TJAP1: variants seen among roughly 807,000 people sequenced by gnomAD.
The protein encoded by TJAP1 is tight junction-associated protein 1.
A neutral mutation model predicts 42.0 loss-of-function variants in TJAP1; 27 were observed. That is an observed-to-expected ratio of 0.64 (90% CI 0.47 to 0.89). The LOEUF is 0.89. Ranked by LOEUF, TJAP1 falls within the 40% of genes least tolerant of loss-of-function variation. The pLI is 0.00. For synonymous variants in TJAP1, 257 were observed against 288.4 expected, an observed-to-expected ratio of 0.89 and a Z score of 1.10; for missense variants, 712 against 726.9, an observed-to-expected ratio of 0.98 and a Z score of 0.24.
rs535416838 is a variant in TJAP1 at position 43,485,906 on chromosome 6, C to T, written c.-122+7674C>T. 3.3e-4 allele frequency among the ~76,000 whole-genome samples: 50 copies of T among 152,038 alleles called. No individual in the cohort carries two copies. The South Asian group carries it at 9.3e-3, about 28-fold the overall frequency. On this transcript the variant is annotated intron_variant, in intron 2 of 10. Coordinates refer to ENST00000372449, the Ensembl canonical transcript of TJAP1. ...ACTAATTATTTTCCAGGATTGCATT[C>T]ATGTGGTTAAATCATCTTCCAGGTG... is the stretch of plus-strand genomic sequence containing the variant.
chr6:43,506,065 T>G (rs77082223), exon 11 of TJAP1: 1 of 430,530 alleles, frequency 2.3e-6, no homozygotes, highest in Non-Finnish European at 4.0e-6. Flanking sequence ...TGGTTTTCCC[T>G]TTTTCTTAGA....
At chr6:43,488,084 C>T (rs1451337221) in intron 2 of TJAP1, among the ~76,000 whole-genome samples, 1 of 152,164 alleles carries the variant, frequency 6.6e-6, no homozygotes, top group Non-Finnish European at 1.5e-5. Context: ...GTTGGCCAGG[C>T]TGGTCTTGAA....
intron 2 of TJAP1, among the ~76,000 whole-genome samples, chr6:43,483,237 A>G (rs564678092): frequency 2.6e-5 from 4 of 152,244 alleles, no homozygotes; most frequent in African/African-American, 7.2e-5. Context: ...TGGGGTCCAG[A>G]CCCAGACCAT....
exon 9 of TJAP1, chr6:43,503,405 A>C (rs1791425735): frequency 1.2e-6 from 2 of 1,613,252 alleles, no homozygotes; most frequent in Non-Finnish European, 1.7e-6. Context: ...CTTCAGATCA[A>C]GAAGGCTGAG....
intron 4 of TJAP1, among the ~76,000 whole-genome samples, chr6:43,499,699 G>C (rs747717180): frequency 5.9e-5 from 9 of 152,250 alleles, no homozygotes; most frequent in Non-Finnish European, 1.0e-4. Context: ...AGAAACGAGG[G>C]CCACAGTGGT....
Position 43,501,740 on chromosome 6 carries a change from ACACACACACACACACACACT to A in TJAP1, c.290+55_290+74del, listed in dbSNP as rs1321201132. 9.8e-5 allele frequency: 68 copies of A among 691,586 alleles called. No homozygotes were observed. In the African/African-American group the frequency reaches 1.1e-3, roughly 11 times the overall value. 42.8% of individuals were successfully genotyped at this position (691,586 alleles called of 1,614,324 possible). A position where few individuals can be genotyped will look rare whatever the true frequency, so the allele number is the denominator to read the frequency against. ...CACACACACACACACACACACACAC[ACACACACACACACACACACT>A]CTCTCTGTCTCTCTCTCTCTCTGTG... On this transcript the variant is annotated intron_variant, in intron 6 of 10. Transcript: ENST00000372449.
At chr6:43,482,581 G>A (rs113961115) in intron 2 of TJAP1, among the ~76,000 whole-genome samples, 2,781 of 152,162 alleles carry the variant, frequency 0.018, 35 homozygotes, top group South Asian at 0.039. Context: ...CCCTTCTTCT[G>A]TGCTTCTGTC....
Position 43,505,145 on chromosome 6 carries a change from C to A in TJAP1, c.964C>A (p.Pro322Thr), listed in dbSNP as rs376723227. Residue 322 changes from proline (P) to threonine (T), a missense_variant, in exon 11 of 11, where the codon CCA (proline) becomes ACA (threonine). This residue lies in a region of TJAP1 where 549 missense variants were observed against 528.2 expected (regional missense o/e 1.04). Coordinates refer to ENST00000372449, the Ensembl canonical transcript of TJAP1. The surrounding 1 kb of genome is among the most constrained non-coding windows in gnomAD (Gnocchi z 5.5). ...GAACCCCTACCCAACCCCGTCTCCA[C>A]CACACCCACTGTATCCTGGCCGCAG... 116 of 1,614,208 alleles carry A rather than the reference C, an allele frequency of 7.2e-5. No homozygotes were observed. The South Asian group carries it at 1.1e-3, about 16-fold the overall frequency.
chr6:43,502,076 A>ACACTCT (rs767085594), intron 6 of TJAP1, among the ~76,000 whole-genome samples: 955 of 68,950 alleles, frequency 0.014, 100 homozygotes, highest in Middle Eastern at 0.033. Context: ...ACACACACAC[A>ACACTCT]CTCTCTCTCT....
At chr6:43,502,259 G>A in intron 6 of TJAP1, 24 bp from the exon 7 acceptor site, 2 of 1,613,266 alleles carry the variant, frequency 1.2e-6, no homozygotes, top group Non-Finnish European at 1.7e-6. Context: ...ACCCAGGGAT[G>A]TGCCTTGTAT....
intron 8 of TJAP1, 99 bp downstream of exon 8, chr6:43,502,716 T>A: frequency 7.7e-7 from 1 of 1,299,128 alleles, no homozygotes; most frequent in Non-Finnish European, 1.1e-6. Flanking sequence ...GCCCCTTGAG[T>A]ACACCCGCTC....
chr6:43,497,566 G>A (rs974322544), intron 2 of TJAP1: 6 of 152,272 alleles, frequency 3.9e-5, no homozygotes, highest in Non-Finnish European at 8.8e-5. Context: ...CTTGGGAGAT[G>A]AGGACCGATG....
chr6:43,506,194 C>T (rs1792328631), exon 11 of TJAP1: 1 of 232,914 alleles, frequency 4.3e-6, no homozygotes, highest in Non-Finnish European at 8.2e-6. Flanking sequence ...ATTCATCTTC[C>T]ATCCTTTCAT....
intron 6 of TJAP1, among the ~76,000 whole-genome samples, 175 bp downstream of exon 6, chr6:43,501,862 A>G (rs1449975705): frequency 1.4e-5 from 2 of 139,536 alleles, no homozygotes; most frequent in Admixed American, 1.5e-4. Context: ...AAAAAACTGG[A>G]TAAGTTCTGC....
intron 2 of TJAP1, among the ~76,000 whole-genome samples, chr6:43,484,215 T>C (rs1785944950): frequency 2.0e-5 from 3 of 152,050 alleles, no homozygotes. Context: ...TCCCAGCACT[T>C]TGGGAGGCTG....
At position 43,491,312 on chromosome 6, in the gene TJAP1, C is replaced by CA. The variant is rs1254467589; in HGVS notation, c.-121-6568dup. Among the ~76,000 whole-genome samples the CA allele has an allele frequency of 4.6e-5, 7 of 152,056 alleles. No individual in the cohort carries two copies. Among genetic ancestry groups the CA allele is most frequent in the Non-Finnish European group, 8.8e-5 (6 of 68,004 alleles). On this transcript the variant is annotated intron_variant, in intron 2 of 10. Coordinates refer to ENST00000372449, the Ensembl canonical transcript of TJAP1. This position sits in a 1 kb window ranked among gnomAD's most constrained non-coding sequence, Gnocchi z 4.6. The stretch of plus-strand genomic sequence containing the variant: ...TTGTTTTTTTGGGTTTTTTTTGAGA[C>CA]AGAGTTTCGCTCTTGTTGCCCAGGC...
At position 43,502,523 on chromosome 6, in the gene TJAP1, CTG is replaced by C. The variant is rs1791169661; in HGVS notation, c.358-63_358-62del. On this transcript the variant is annotated intron_variant, in intron 7 of 10. Coordinates refer to ENST00000372449, the Ensembl canonical transcript of TJAP1. ...AGTCAAGACTGTCTTAATGCTCACA[CTG>C]TTTCTCTTCTTTCCTCGTCTCCCCC... The C allele has an allele frequency of 1.9e-6, 3 of 1,541,600 alleles. No homozygotes were observed. In the South Asian group the frequency reaches 3.6e-5, roughly 18 times the overall value.
intron 10 of TJAP1, 146 bp downstream of exon 10, chr6:43,503,852 A>G: frequency 1.3e-6 from 1 of 753,282 alleles, no homozygotes; most frequent in East Asian, 2.7e-5. Context: ...AAGCCAGTCA[A>G]CTCTGCCACT....
At position 43,505,648 on chromosome 6, in the gene TJAP1, T is replaced by C; in HGVS notation, c.1467T>C (p.Pro489=). Residue 489 remains proline, a synonymous_variant, in exon 11 of 11, where the codon CCT becomes CCC. Transcript: ENST00000372449. This position sits in a 1 kb window ranked among gnomAD's most constrained non-coding sequence, Gnocchi z 5.5. ...GGGAGGAAGAAGAGCTGAACCTGCC[T>C]ATCAGTCCTGAGGAAGAGCGCCAGA... 1 of 1,613,254 alleles carries C rather than the reference T, an allele frequency of 6.2e-7. No homozygotes were observed. The highest frequency in any genetic ancestry group is 1.3e-5 in the African/African-American group (1 of 75,024).
Sources: allele counts gnomAD v4.1 joint callset (sites outside exome capture counted in the v4.1 genomes callset), GRCh38; gene constraint gnomAD v4.1.1; regional missense constraint gnomAD v4.1.1; non-coding constraint Gnocchi (gnomAD v3.1); transcripts MANE v1.5; gene names NCBI Gene and HGNC (gene_info 2026-07-23, HGNC 2026-07-21).